Variants in KLHL3 observed in about 807,000 individuals in gnomAD.
KLHL3 encodes the protein kelch-like protein 3.
KLHL3 carries 19 observed loss-of-function variants against 70.5 expected under a neutral mutation model. That is an observed-to-expected ratio of 0.27 (90% CI 0.19 to 0.40). The LOEUF (loss-of-function observed/expected upper bound fraction) is 0.40. Ranked by LOEUF, KLHL3 falls within the 10% of genes least tolerant of loss-of-function variation. The pLI, the probability that KLHL3 is intolerant of heterozygous loss-of-function variation, is 1.00. For synonymous variants in KLHL3, 258 were observed against 290.3 expected, an observed-to-expected ratio of 0.89 and a Z score of 1.13; for missense variants, 512 against 771.1, an observed-to-expected ratio of 0.66 and a Z score of 3.98.
Position 137,661,486 on chromosome 5 carries a change from T to C in KLHL3, c.753+429A>G, listed in dbSNP as rs530798801. On this transcript the variant is annotated intron_variant, in intron 7 of 14. Transcript: ENST00000309755. ...AAGACATAAAGGGAACATAGAAACA[T>C]TGTGGACATGACCCTTCTTGCTTCA... The C allele has an allele frequency of 2.5e-4, 39 of 154,702 alleles. 1 individual carries two copies. Among genetic ancestry groups the C allele is most frequent in the Non-Finnish European group, 4.4e-4 (31 of 69,806 alleles). 9.6% of individuals were successfully genotyped at this position (154,702 alleles called of 1,614,324 possible).
At chr5:137,683,097 C>A (rs1236945972) in intron 5 of KLHL3, among the ~76,000 whole-genome samples, 3 of 152,108 alleles carry the variant, frequency 2.0e-5, no homozygotes, top group Non-Finnish European at 4.4e-5. Context: ...CAGAGAAAGC[C>A]CTTGCCTGGG....
intron 1 of KLHL3, among the ~76,000 whole-genome samples, chr5:137,730,618 T>C (rs1482145998): frequency 6.6e-6 from 1 of 152,148 alleles, no homozygotes; most frequent in African/African-American, 2.4e-5. Context: ...TCTTTAAAAC[T>C]CAAGGGGAAA....
intron 8 of KLHL3, among the ~76,000 whole-genome samples, chr5:137,642,920 A>C (rs924446779): frequency 6.6e-6 from 1 of 152,258 alleles, no homozygotes. Flanking sequence ...CCCAGAAACT[A>C]TCTCCCACCA....
chr5:137,624,498 T>G (rs539511982), intron 14 of KLHL3, among the ~76,000 whole-genome samples: 39 of 152,244 alleles, frequency 2.6e-4, no homozygotes, highest in Admixed American at 7.2e-4. Flanking sequence ...AAAAAAACTC[T>G]AAAGGAAGAA....
chr5:137,677,603 A>G lies in KLHL3; in HGVS notation c.578T>C (p.Leu193Pro). 3 of 1,610,936 alleles carry G rather than the reference A, an allele frequency of 1.9e-6. No homozygotes were observed. The highest frequency in any genetic ancestry group is 2.5e-6 in the Non-Finnish European group (3 of 1,178,664). Residue 193 changes from leucine to proline, a missense_variant, in exon 6 of 15, where the codon CTG becomes CCG. Coordinates refer to ENST00000309755, the MANE Select transcript of KLHL3 (RefSeq NM_017415.3). ...GGATATCAAGCTGCACACCTGGTCC[A>G]GACTCAGGCTAAGAAATTCTTCTCC... ...MLGEEFLSLS[L>P]DQVCSLISSD...
At position 137,617,814 on chromosome 5, in the gene KLHL3, C is replaced by T. The variant is rs1561576452; in HGVS notation, c.*4284G>A. 1 of 152,138 alleles carries T rather than the reference C, an allele frequency of 6.6e-6. No individual in the cohort carries two copies. Among genetic ancestry groups the T allele is most frequent in the Non-Finnish European group, 1.5e-5 (1 of 68,028 alleles). 9.4% of individuals were successfully genotyped at this position (152,138 alleles called of 1,614,324 possible). A position where few individuals can be genotyped will look rare whatever the true frequency, so the allele number is the denominator to read the frequency against. On this transcript the variant is annotated 3_prime_UTR_variant, in exon 15 of 15. Transcript: ENST00000309755. ...GTTTTCTTTCAACGAAAGCATTTTA[C>T]ACATAATATGCAAATTAAACAAGAA...
At chr5:137,735,321 G>T (rs1753243532) in intron 1 of KLHL3, among the ~76,000 whole-genome samples, 1 of 152,230 alleles carries the variant, frequency 6.6e-6, no homozygotes, top group Admixed American at 6.5e-5. Flanking sequence ...GCCTGAGAAA[G>T]GCAATCTGAT....
intron 6 of KLHL3, among the ~76,000 whole-genome samples, chr5:137,667,605 T>C (rs1196499390): frequency 2.6e-5 from 4 of 152,168 alleles, no homozygotes; most frequent in African/African-American, 9.7e-5. Context: ...GCAGCCAAGC[T>C]AGGCTGGACT....
At chr5:137,674,054 A>G (rs1424038018) in intron 6 of KLHL3, among the ~76,000 whole-genome samples, 1 of 152,186 alleles carries the variant, frequency 6.6e-6, no homozygotes, top group East Asian at 1.9e-4. Flanking sequence ...TAATAACCAT[A>G]ATAATAGCAG....
chr5:137,656,769 C>A (rs930128045), intron 8 of KLHL3, among the ~76,000 whole-genome samples: 1 of 152,242 alleles, frequency 6.6e-6, no homozygotes, highest in Non-Finnish European at 1.5e-5. Context: ...TATGCACTCT[C>A]AGGTTTACAA....
chr5:137,703,963 T>C (rs1376170875), intron 3 of KLHL3, among the ~76,000 whole-genome samples: 2 of 151,770 alleles, frequency 1.3e-5, no homozygotes, highest in Non-Finnish European at 2.9e-5. Flanking sequence ...ATAATAAAAG[T>C]AGACTTTATT....
chr5:137,665,517 G>A (rs920935044), intron 6 of KLHL3, among the ~76,000 whole-genome samples: 1 of 152,152 alleles, frequency 6.6e-6, no homozygotes, highest in African/African-American at 2.4e-5. Flanking sequence ...TAAAGTAAAT[G>A]AAGCAAAATG....
At chr5:137,703,874 CAA>C (rs34155675) in intron 3 of KLHL3, among the ~76,000 whole-genome samples, 8 of 134,730 alleles carry the variant, frequency 5.9e-5, no homozygotes, top group Admixed American at 7.5e-5. Context: ...ATAGTGACTA[CAA>C]AAAAAAAAAA....
intron 2 of KLHL3, among the ~76,000 whole-genome samples, chr5:137,716,881 G>A (rs772517815): frequency 9.2e-5 from 14 of 152,142 alleles, no homozygotes; most frequent in African/African-American, 1.7e-4. Flanking sequence ...GCTTAGTCAC[G>A]GTTACCAAGA....
In KLHL3 at chr5:137,689,330, G is replaced by T. The variant is rs183851142; in HGVS notation, c.526+2955C>A. 3.9e-3 allele frequency among the ~76,000 whole-genome samples: 587 copies of T among 152,154 alleles called. 3 individuals are homozygous for T. Among genetic ancestry groups the T allele is most frequent in the African/African-American group, 0.011 (447 of 41,500 alleles). On this transcript the variant is annotated intron_variant, in intron 5 of 14. Transcript: ENST00000309755. ...ATTTGACCCAGCAACCCCATTACTG[G>T]GTATATACCCAAAGGAGAATAAATT...
intron 8 of KLHL3, among the ~76,000 whole-genome samples, chr5:137,656,088 T>C (rs190106580): frequency 6.8e-6 from 1 of 147,134 alleles, no homozygotes; most frequent in East Asian, 2.0e-4. Flanking sequence ...TTCTCCAAAA[T>C]AGAAATACAA....
intron 8 of KLHL3, among the ~76,000 whole-genome samples, chr5:137,642,452 A>C (rs962364772): frequency 9.2e-5 from 14 of 152,196 alleles, no homozygotes; most frequent in African/African-American, 3.4e-4. Context: ...TGTGTTCTGC[A>C]TTGTGCTGGA....
chr5:137,667,847 A>G (rs1235302279), intron 6 of KLHL3, among the ~76,000 whole-genome samples: 1 of 152,222 alleles, frequency 6.6e-6, no homozygotes, highest in Non-Finnish European at 1.5e-5. Context: ...TTGTTACTCA[A>G]TCTGAGAAGG....
chr5:137,683,189 T>C (rs1202128301), intron 5 of KLHL3, among the ~76,000 whole-genome samples: 1 of 152,190 alleles, frequency 6.6e-6, no homozygotes, highest in Non-Finnish European at 1.5e-5. Flanking sequence ...CTGAAAGTTA[T>C]ATGGTGCCTC....
Sources: allele counts gnomAD v4.1 joint callset (sites outside exome capture counted in the v4.1 genomes callset), GRCh38; gene constraint gnomAD v4.1.1; transcripts MANE v1.5; gene names NCBI Gene and HGNC (gene_info 2026-07-23, HGNC 2026-07-21).